Variants in ATP13A1 observed in about 807,000 individuals in gnomAD.
ATP13A1 encodes the protein endoplasmic reticulum transmembrane helix translocase.
In ATP13A1, 55 loss-of-function variants were observed where a neutral mutation model predicts 134.8. That is an observed-to-expected ratio of 0.41 (90% confidence interval 0.33 to 0.51). The LOEUF is 0.51. Ranked by LOEUF, ATP13A1 falls within the 20% of genes least tolerant of loss-of-function variation. ATP13A1 has a pLI of 0.29. For missense variants in ATP13A1, 1,389 were observed against 1,652.8 expected (o/e 0.84, Z 2.77); for synonymous variants, 775 against 725.1 (o/e 1.07, Z -1.10).
intron 17 of ATP13A1, 43 bp from the exon 18 acceptor site, chr19:19,649,983 C>T (rs772836781): frequency 3.1e-5 from 47 of 1,522,360 alleles, no homozygotes; most frequent in East Asian, 2.7e-4. Context: ...CTTGGCTGAC[C>T]GGGCTCAGAA....
Position 19,663,658 on chromosome 19 carries a change from T to C in ATP13A1, c.9A>G (p.Ala3=), listed in dbSNP as rs1273585718. The C allele has an allele frequency of 1.6e-6, 2 of 1,286,372 alleles. No homozygotes were observed. The highest frequency in any genetic ancestry group is 3.1e-5 in the African/African-American group (2 of 64,422). 79.7% of individuals were successfully genotyped at this position (1,286,372 alleles called of 1,614,324 possible). A position where few individuals can be genotyped will look rare whatever the true frequency, so the allele number is the denominator to read the frequency against. The change falls in exon 1 of 26, where the codon GCA becomes GCG. Residue 3 remains alanine (A), a synonymous_variant. Transcript: ENST00000357324. ...GCACCGCGTTGCCCACCGCCGCCGCTGCCGCCATCTTTCCTAGCGCCGCGC... is the reference window on the plus strand; with the variant it reads ...GCACCGCGTTGCCCACCGCCGCCGCCGCCGCCATCTTTCCTAGCGCCGCGC... MA[A]AAAVGNAVPC...
At chr19:19,661,223 A>T (rs1035464780) in intron 1 of ATP13A1, among the ~76,000 whole-genome samples, 6 of 152,214 alleles carry the variant, frequency 3.9e-5, no homozygotes, top group Admixed American at 3.9e-4. Context: ...GAACTCAAAT[A>T]GGAAGAACGC....
chr19:19,661,998 A>G, intron 1 of ATP13A1: 1 of 1,540,686 alleles, frequency 6.5e-7, no homozygotes, highest in Non-Finnish European at 8.8e-7. Context: ...TACGGTTCTC[A>G]GTTTACAGAA....
In ATP13A1 at chr19:19,647,645, T is replaced by C; in HGVS notation, c.2747A>G (p.Gln916Arg). 1 of 1,613,258 alleles carries C rather than the reference T, an allele frequency of 6.2e-7. No homozygotes were observed. The highest frequency in any genetic ancestry group is 8.5e-7 in the Non-Finnish European group (1 of 1,179,864). The change falls in exon 20 of 26, where the codon CAG (glutamine) becomes CGG (arginine). Residue 916 changes from glutamine (Q) to arginine (R), a missense_variant. Around this residue, in one of 4 missense-constraint regions of ATP13A1, gnomAD observed 121 missense variants for 104.9 expected, o/e 1.15. Transcript: ENST00000357324. The surrounding 1 kb of genome is among the most constrained non-coding windows in gnomAD (Gnocchi z 4.8). ...GIRATSRTAKQRSGLPPSEEQ... is the reference protein window; with the variant it reads ...GIRATSRTAKRRSGLPPSEEQ... Reference sequence around the variant, plus strand: ...CTCGGAGGGAGGGAGCCCCGACCGCTGCTTGGCTGTCCTGGAGGTGGCTCT... The same window carrying C: ...CTCGGAGGGAGGGAGCCCCGACCGCCGCTTGGCTGTCCTGGAGGTGGCTCT...
rs753259833 is a variant in ATP13A1, at chr19:19,655,543, A to G, written c.1381T>C (p.Tyr461His). The G allele has an allele frequency of 1.9e-6, 3 of 1,613,942 alleles. No individual in the cohort carries two copies. The South Asian group carries it at 3.3e-5, about 18-fold the overall frequency. ...LLVFAIAAAA[Y>H]VWIEGTKDPS... is the part of the protein sequence containing the mutation. The stretch of plus-strand genomic sequence containing the variant: ...TGGCGCTTACCTTCAATCCATACAT[A>G]GGCAGCTGCAGCGATGGCAAACACC... Residue 461 changes from tyrosine (Y) to histidine (H), a missense_variant, in exon 10 of 26, where the codon TAT (tyrosine) becomes CAT (histidine). Physicochemically the swap from Tyr to His is moderately conservative, Grantham distance 83. Around this residue, in one of 4 missense-constraint regions of ATP13A1, gnomAD observed 747 missense variants for 956.1 expected, o/e 0.78. Coordinates refer to ENST00000357324, the MANE Select transcript of ATP13A1 (RefSeq NM_020410.3). This position sits in a 1 kb window ranked among gnomAD's most constrained non-coding sequence, Gnocchi z 5.7.
intron 19 of ATP13A1, among the ~76,000 whole-genome samples, chr19:19,648,717 G>A (rs2062003148): frequency 6.9e-6 from 1 of 144,932 alleles, no homozygotes; most frequent in Non-Finnish European, 1.5e-5. Context: ...GCTGAAGAAG[G>A]AGAATTGCTT....
intron 15 of ATP13A1, chr19:19,652,963 G>A (rs985293415): frequency 2.1e-5 from 11 of 523,578 alleles, no homozygotes; most frequent in South Asian, 6.8e-5. Context: ...TCCTGCTTGC[G>A]GACATGGGCA....
At chr19:19,651,559 T>C (rs1248923282) in intron 17 of ATP13A1, 130 bp downstream of exon 17, 3 of 642,636 alleles carry the variant, frequency 4.7e-6, no homozygotes, top group African/African-American at 3.8e-5. Flanking sequence ...GCCAGGGCTG[T>C]GATTAGTGGT....
intron 4 of ATP13A1, 28 bp from the exon 5 acceptor site, chr19:19,657,177 GC>G: frequency 6.7e-7 from 1 of 1,490,002 alleles, no homozygotes; most frequent in Non-Finnish European, 8.9e-7. Context: ...GTCTGTCCTT[GC>G]CCTACCCGCC....
rs1206178888 is a variant in ATP13A1, at chr19:19,655,284, A to C, written c.1534+32T>G. On this transcript the variant is annotated intron_variant, in intron 11 of 25. Transcript: ENST00000357324. This position sits in a 1 kb window ranked among gnomAD's most constrained non-coding sequence, Gnocchi z 5.7. The stretch of plus-strand genomic sequence containing the variant: ...CAGGGGTCCTGCTTGGCCCCAGCCC[A>C]CTCGGCACCCCATCCCATTTGACAC... 6.2e-7 allele frequency: 1 copy of C among 1,613,856 alleles called. No homozygotes were observed. The highest frequency in any genetic ancestry group is 8.5e-7 in the Non-Finnish European group (1 of 1,179,858).
chr19:19,658,753 C>T (rs969059927), intron 3 of ATP13A1, among the ~76,000 whole-genome samples: 5 of 152,160 alleles, frequency 3.3e-5, no homozygotes, highest in Non-Finnish European at 7.3e-5. Context: ...GACATGGTCA[C>T]GGTCTTCCAT....
At chr19:19,658,004 C>G (rs2062070352) in intron 3 of ATP13A1, among the ~76,000 whole-genome samples, 1 of 151,748 alleles carries the variant, frequency 6.6e-6, no homozygotes, top group Admixed American at 6.6e-5. Flanking sequence ...TAAAAATTAG[C>G]TGGGGGTGGT....
Position 19,645,398 on chromosome 19 carries a change from G to C in ATP13A1, c.*24C>G. The C allele has an allele frequency of 6.3e-7, 1 of 1,575,104 alleles. No homozygotes were observed. The highest frequency in any genetic ancestry group is 2.3e-5 in the East Asian group (1 of 42,676). On this transcript the variant is annotated 3_prime_UTR_variant, in exon 26 of 26. Transcript: ENST00000357324. The surrounding 1 kb of genome is among the most constrained non-coding windows in gnomAD (Gnocchi z 4.1). Reference sequence around the variant, plus strand: ...TCCCGCCCAGCGGCAGCCAGGGTGGGCAGTGGGTACCAGCACTGCCATCTC... The same window carrying C: ...TCCCGCCCAGCGGCAGCCAGGGTGGCCAGTGGGTACCAGCACTGCCATCTC...
intron 1 of ATP13A1, 94 bp from the exon 2 acceptor site, chr19:19,660,081 G>A (rs1236231619): frequency 6.6e-6 from 7 of 1,054,834 alleles, no homozygotes; most frequent in Admixed American, 2.6e-5. Context: ...AGCTCTATGG[G>A]TATATTCTGA....
rs143798246 is a variant in ATP13A1 at position 19,655,616 on chromosome 19, C to G, written c.1308G>C (p.Arg436Ser). ...LLRTILFGVK[R>S]VTANNLETFI... ...AGGTCTCCAGGTTGTTCGCAGTCAC[C>G]CTCTTGACCCCGAAGAGGATGGTGC... The change falls in exon 10 of 26, where the codon AGG becomes AGC. Residue 436 changes from arginine (R) to serine (S), a missense_variant. Physicochemically the swap from Arg to Ser is moderately radical, Grantham distance 110. Around this residue, in one of 4 missense-constraint regions of ATP13A1, gnomAD observed 747 missense variants for 956.1 expected, o/e 0.78. Coordinates refer to ENST00000357324, the MANE Select transcript of ATP13A1 (RefSeq NM_020410.3). The surrounding 1 kb of genome is among the most constrained non-coding windows in gnomAD (Gnocchi z 5.7). 6.2e-7 allele frequency: 1 copy of G among 1,613,686 alleles called. No individual in the cohort carries two copies. The highest frequency in any genetic ancestry group is 8.5e-7 in the Non-Finnish European group (1 of 1,179,838).
chr19:19,655,633 G>C lies in ATP13A1; in HGVS notation c.1291C>G (p.Leu431Val). ...GCAGTCACCCTCTTGACCCCGAAGAGGATGGTGCGCAGCAGCTTGCCCTGG... is the reference window on the plus strand; with the variant it reads ...GCAGTCACCCTCTTGACCCCGAAGACGATGGTGCGCAGCAGCTTGCCCTGG... ...TSQGKLLRTI[L>V]FGVKRVTANN... Residue 431 changes from leucine to valine, a missense_variant, in exon 10 of 26, where the codon CTC becomes GTC. By Grantham distance (32) the Leu-to-Val change is conservative. This residue lies in a region of ATP13A1 where 747 missense variants were observed against 956.1 expected (regional missense o/e 0.78). Coordinates refer to ENST00000357324, the MANE Select transcript of ATP13A1 (RefSeq NM_020410.3). The surrounding 1 kb of genome is among the most constrained non-coding windows in gnomAD (Gnocchi z 5.7). 2 of 1,613,580 alleles carry C rather than the reference G, an allele frequency of 1.2e-6. No homozygotes were observed. The highest frequency in any genetic ancestry group is 1.7e-6 in the Non-Finnish European group (2 of 1,179,746).
rs1364342483 is a variant in ATP13A1 at position 19,652,675 on chromosome 19, C to T, written c.2146G>A (p.Val716Ile). The T allele has an allele frequency of 9.3e-6, 15 of 1,608,464 alleles. No homozygotes were observed. The highest frequency in any genetic ancestry group is 1.7e-5 in the Admixed American group (1 of 59,382). ...GGGCAGGAGACCACAATGAAGCCGA[C>T]GAACTTGAGGCTGCACTCCAGGGCC... ...REALECSLKF[V>I]GFIVVSCPLK... The change falls in exon 16 of 26, where the codon GTC becomes ATC. Residue 716 changes from valine to isoleucine, a missense_variant. By Grantham distance (29) the Val-to-Ile change is conservative. This residue lies in a region of ATP13A1 where 747 missense variants were observed against 956.1 expected (regional missense o/e 0.78). Transcript: ENST00000357324.
intron 17 of ATP13A1, chr19:19,650,322 G>A (rs766291428): frequency 3.9e-5 from 9 of 227,878 alleles, no homozygotes; most frequent in African/African-American, 9.1e-5. Context: ...TTATCCCTGC[G>A]CCCGTGGCCT....
At chr19:19,660,052 G>T in intron 1 of ATP13A1, 65 bp from the exon 2 acceptor site, 1 of 1,407,692 alleles carries the variant, frequency 7.1e-7, no homozygotes, top group South Asian at 1.3e-5. Context: ...AGACCCCCCC[G>T]GGAGGTTTTG....
Sources: allele counts gnomAD v4.1 joint callset (sites outside exome capture counted in the v4.1 genomes callset), GRCh38; gene constraint gnomAD v4.1.1; regional missense constraint gnomAD v4.1.1; non-coding constraint Gnocchi (gnomAD v3.1); transcripts MANE v1.5; gene names NCBI Gene and HGNC (gene_info 2026-07-23, HGNC 2026-07-21).